RANBP3: variants seen among roughly 807,000 people sequenced by gnomAD.
RANBP3 encodes the protein ran-binding protein 3.
Under a neutral mutation model 77.3 loss-of-function variants are expected in RANBP3, and 14 were observed. That is an observed-to-expected ratio of 0.18 (90% CI 0.12 to 0.28). The LOEUF is 0.28. RANBP3 is among the 10% of genes least tolerant of loss of function. RANBP3 has a pLI of 1.00. For synonymous variants in RANBP3, 315 were observed against 312.4 expected (o/e 1.01, Z -0.09); for missense variants, 586 against 752.3 (o/e 0.78, Z 2.59).
chr19:5,938,616 C>A (rs2058095540), intron 5 of RANBP3, among the ~76,000 whole-genome samples: 1 of 152,104 alleles, frequency 6.6e-6, no homozygotes, highest in Non-Finnish European at 1.5e-5. Flanking sequence ...TGCTTGAACC[C>A]AGGAGGCAGA....
At chr19:5,937,056 CAAA>C (rs71172783) in intron 5 of RANBP3, among the ~76,000 whole-genome samples, 2,707 of 36,838 alleles carry the variant, frequency 0.073, 17 homozygotes, top group South Asian at 0.13. Flanking sequence ...ACTCTGTCTC[CAAA>C]AAAAAAAAAA....
At chr19:5,973,319 C>T (rs1431319477) in intron 1 of RANBP3, among the ~76,000 whole-genome samples, 4 of 152,186 alleles carry the variant, frequency 2.6e-5, no homozygotes, top group African/African-American at 9.6e-5. Context: ...AATCTCTCGA[C>T]TCATACCTGG....
chr19:5,940,493 T>C (rs926830689), intron 5 of RANBP3, among the ~76,000 whole-genome samples: 17 of 152,174 alleles, frequency 1.1e-4, no homozygotes, highest in Admixed American at 2.0e-4. Context: ...GAAAACCTAA[T>C]GCAGCTGTGC....
intron 5 of RANBP3, among the ~76,000 whole-genome samples, chr19:5,936,394 G>A (rs895835934): frequency 6.6e-6 from 1 of 151,778 alleles, no homozygotes; most frequent in South Asian, 2.1e-4. Flanking sequence ...ACAAAGGTGT[G>A]TCCCCAGCTC....
intron 1 of RANBP3, among the ~76,000 whole-genome samples, chr19:5,964,938 T>C (rs2058448983): frequency 1.3e-5 from 2 of 151,232 alleles, no homozygotes; most frequent in South Asian, 2.1e-4. Flanking sequence ...TGTGTCAGTG[T>C]AGAAGCTCCT....
At chr19:5,931,754 C>T (rs1249767411) in intron 7 of RANBP3, among the ~76,000 whole-genome samples, 5 of 152,128 alleles carry the variant, frequency 3.3e-5, no homozygotes, top group South Asian at 2.1e-4. Context: ...AGAAACCTGC[C>T]GGGCACAGTG....
At position 5,941,858 on chromosome 19, in the gene RANBP3, G is replaced by A. The variant is rs1458336388; in HGVS notation, c.283-23C>T. On this transcript the variant is annotated intron_variant, in intron 3 of 16. Coordinates refer to ENST00000340578, the MANE Select transcript of RANBP3 (RefSeq NM_007322.3). The stretch of plus-strand genomic sequence containing the variant: ...CCTCTGAAACAAGGAGCACACAGCC[G>A]GGGTCAGAGGGCATCAGGCTCACGG... 9 of 1,611,988 alleles carry A rather than the reference G, an allele frequency of 5.6e-6. No individual in the cohort carries two copies. The African/African-American group carries it at 6.7e-5, about 12-fold the overall frequency.
intron 14 of RANBP3, among the ~76,000 whole-genome samples, chr19:5,919,647 C>T (rs2057791474): frequency 6.6e-6 from 1 of 152,170 alleles, no homozygotes; most frequent in Admixed American, 6.5e-5. Flanking sequence ...GCCTGTAATT[C>T]CAGGACTTTG....
At chr19:5,920,605 T>C (rs1168395535) in intron 14 of RANBP3, among the ~76,000 whole-genome samples, 1 of 152,174 alleles carries the variant, frequency 6.6e-6, no homozygotes, top group African/African-American at 2.4e-5. Flanking sequence ...TGGAGTGCAG[T>C]GGCTCAATCT....
rs777841663 is a variant in RANBP3, at chr19:5,924,780, G to C, written c.996+47C>G. On this transcript the variant is annotated intron_variant, in intron 11 of 16. Coordinates refer to ENST00000340578, the MANE Select transcript of RANBP3 (RefSeq NM_007322.3). The surrounding 1 kb of genome is among the most constrained non-coding windows in gnomAD (Gnocchi z 4.7). ...CATGTCCCCTTGACCTGTGGCTGGC[G>C]CCGAGAGCCTCTGGTCCCTGAGAAC... is the stretch of plus-strand genomic sequence containing the variant. The C allele has an allele frequency of 6.4e-7, 1 of 1,562,254 alleles. No homozygotes were observed. The highest frequency in any genetic ancestry group is 8.8e-7 in the Non-Finnish European group (1 of 1,133,218).
At chr19:5,946,149 T>C (rs2058201722) in intron 3 of RANBP3, among the ~76,000 whole-genome samples, 1 of 152,158 alleles carries the variant, frequency 6.6e-6, no homozygotes, top group Non-Finnish European at 1.5e-5. Flanking sequence ...CTAGGGTAAG[T>C]TCATGCTCAC....
chr19:5,927,530 G>T (rs1461904832), intron 9 of RANBP3, among the ~76,000 whole-genome samples: 2 of 152,212 alleles, frequency 1.3e-5, no homozygotes, highest in Admixed American at 1.3e-4. Flanking sequence ...AGTGCCCAGG[G>T]CGACTCCTCA....
chr19:5,967,682 A>G (rs141020898), intron 1 of RANBP3, among the ~76,000 whole-genome samples: 1 of 152,026 alleles, frequency 6.6e-6, no homozygotes, highest in East Asian at 1.9e-4. Flanking sequence ...TGCACTTCTG[A>G]ACAGAAACCC....
chr19:5,942,716 A>AC (rs1168242621), intron 3 of RANBP3, among the ~76,000 whole-genome samples: 16 of 151,628 alleles, frequency 1.1e-4, no homozygotes, highest in East Asian at 2.0e-4. Context: ...AAAAAAAAAA[A>AC]AAAACAAAAG....
intron 5 of RANBP3, chr19:5,933,801 ACCTGGCTCTGGAG>A (rs1280521276): frequency 1.3e-5 from 3 of 236,414 alleles, no homozygotes; most frequent in African/African-American, 2.3e-5. Context: ...GCGGCCCTGT[ACCTGGCTCTGGAG>A]AATGTCAGGG....
At chr19:5,922,565 G>T (rs2057836736) in intron 13 of RANBP3, among the ~76,000 whole-genome samples, 1 of 152,244 alleles carries the variant, frequency 6.6e-6, no homozygotes, top group African/African-American at 2.4e-5. Context: ...AGGATGCCAG[G>T]TGACAAATAA....
chr19:5,954,646 T>G (rs761083787), intron 2 of RANBP3, among the ~76,000 whole-genome samples: 1 of 152,018 alleles, frequency 6.6e-6, no homozygotes, highest in Non-Finnish European at 1.5e-5. Context: ...GGGGGGAACC[T>G]CCTCGGAAAA....
At chr19:5,941,298 G>A (rs187876736) in intron 5 of RANBP3, among the ~76,000 whole-genome samples, 1 of 152,338 alleles carries the variant, frequency 6.6e-6, no homozygotes, top group African/African-American at 2.4e-5. Context: ...CTTGGAAAGA[G>A]GAGATGTAAT....
At position 5,978,043 on chromosome 19, in the gene RANBP3, C is replaced by T. The variant is rs751335500; in HGVS notation, c.22+18G>A. On this transcript the variant is annotated intron_variant, in intron 1 of 16. Coordinates refer to ENST00000340578, the MANE Select transcript of RANBP3 (RefSeq NM_007322.3). ...CGTTCCCCGGCCGCCAGCCGGTCCC[C>T]AACGGCGCCTCCCCTACCTTCGTTC... 1.9e-5 allele frequency: 31 copies of T among 1,609,832 alleles called. No individual in the cohort carries two copies. The East Asian group carries it at 2.3e-4, about 12-fold the overall frequency.
Sources: allele counts gnomAD v4.1 joint callset (sites outside exome capture counted in the v4.1 genomes callset), GRCh38; gene constraint gnomAD v4.1.1; non-coding constraint Gnocchi (gnomAD v3.1); transcripts MANE v1.5; gene names NCBI Gene and HGNC (gene_info 2026-07-23, HGNC 2026-07-21).